Variants in MAPK14 observed in about 807,000 individuals in gnomAD.
MAPK14 encodes CSAID-binding protein.
Under a neutral mutation model 49.6 loss-of-function variants are expected in MAPK14, and 16 were observed. That is an observed-to-expected ratio of 0.32 (90% CI 0.22 to 0.49). The LOEUF is 0.49. Ranked by LOEUF, MAPK14 falls within the 20% of genes least tolerant of loss-of-function variation. The pLI is 0.99. For synonymous variants in MAPK14, 142 were observed against 158.0 expected, an observed-to-expected ratio of 0.90 and a Z score of 0.76; for missense variants, 200 against 441.2, an observed-to-expected ratio of 0.45 and a Z score of 4.90.
At chr6:36,063,928 A>G (rs1763932675) in intron 3 of MAPK14, among the ~76,000 whole-genome samples, 1 of 152,218 alleles carries the variant, frequency 6.6e-6, no homozygotes, top group Admixed American at 6.5e-5. Context: ...ATGTTTGGCA[A>G]GATACTGCAT....
chr6:36,088,721 C>CAAA (rs553619006), intron 8 of MAPK14, among the ~76,000 whole-genome samples: 1,928 of 95,840 alleles, frequency 0.02, 49 homozygotes, highest in African/African-American at 0.066. Flanking sequence ...GACTCCGTCT[C>CAAA]AAAAAAAAAA....
chr6:36,073,828 TGATTGCAACTTTACTGTA>T (rs1764408791), intron 5 of MAPK14, 108 bp downstream of exon 5: 6 of 1,176,320 alleles, frequency 5.1e-6, no homozygotes, highest in Non-Finnish European at 1.2e-6. Context: ...AAATGTTGAT[TGATTGCAACTTTACTGTA>T]GGTTTAAGCT....
In MAPK14 at chr6:36,039,796, G is replaced by C. The variant is rs143117420; in HGVS notation, c.116+11523G>C. Among the ~76,000 whole-genome samples, 432 of 152,194 alleles carry C rather than the reference G, an allele frequency of 2.8e-3. 4 individuals are homozygous for C. The highest frequency in any genetic ancestry group is 9.7e-3 in the African/African-American group (403 of 41,520). Reference sequence around the variant, plus strand: ...AAGGTGGGCGGATCACTTGAGGTCAGGAGTTTGAGATCAGCCTGGCCAACA... The same window carrying C: ...AAGGTGGGCGGATCACTTGAGGTCACGAGTTTGAGATCAGCCTGGCCAACA... On this transcript the variant is annotated intron_variant, in intron 1 of 11. Transcript: ENST00000229794.
chr6:36,122,713 A>C, the MAPK14 span, among the ~76,000 whole-genome samples: 3 of 152,152 alleles, frequency 2.0e-5, no homozygotes, highest in African/African-American at 7.2e-5. Context: ...AGCAGTCCTG[A>C]AGGACCAGAG....
chr6:36,103,076 C>T (rs1765689655), intron 10 of MAPK14, among the ~76,000 whole-genome samples: 1 of 152,184 alleles, frequency 6.6e-6, no homozygotes, highest in Non-Finnish European at 1.5e-5. Context: ...CTGCAGGGTG[C>T]TCTGCTCTAA....
At chr6:36,068,384 A>G (rs528405242) in intron 3 of MAPK14, among the ~76,000 whole-genome samples, 8 of 152,260 alleles carry the variant, frequency 5.3e-5, no homozygotes, top group African/African-American at 1.7e-4. Flanking sequence ...ACTCTTAGTA[A>G]AATAGGGAGC....
intron 11 of MAPK14, 147 bp from the exon 12 acceptor site, chr6:36,108,233 G>A (rs1017110613): frequency 1.6e-6 from 1 of 641,982 alleles, no homozygotes. Context: ...ACGTGTTCCA[G>A]TAGGCTATTA....
At chr6:36,037,140 T>G (rs1232760505) in intron 1 of MAPK14, among the ~76,000 whole-genome samples, 2 of 152,290 alleles carry the variant, frequency 1.3e-5, no homozygotes, top group African/African-American at 4.8e-5. Context: ...AAATATAACT[T>G]TTATATGCAC....
intron 8 of MAPK14, among the ~76,000 whole-genome samples, chr6:36,089,457 AT>A (rs1375174421): frequency 6.6e-6 from 1 of 152,222 alleles, no homozygotes; most frequent in African/African-American, 2.4e-5. Flanking sequence ...TAGGTGATGG[AT>A]TGATAGGTGG....
chr6:36,117,343 G>C, the MAPK14 span, among the ~76,000 whole-genome samples: 1 of 152,214 alleles, frequency 6.6e-6, no homozygotes, highest in Admixed American at 6.5e-5. Context: ...CAAAGTCACT[G>C]TGTGCTCTTG....
At chr6:36,071,386 C>T (rs146000539) in intron 3 of MAPK14, among the ~76,000 whole-genome samples, 1 of 151,982 alleles carries the variant, frequency 6.6e-6, no homozygotes, top group African/African-American at 2.4e-5. Context: ...TCTATGTTTC[C>T]ATAGCTGTGT....
chr6:36,030,318 C>T (rs1762489395), intron 1 of MAPK14, among the ~76,000 whole-genome samples: 1 of 152,206 alleles, frequency 6.6e-6, no homozygotes, highest in African/African-American at 2.4e-5. Context: ...GTATCTGACA[C>T]TTAAAAGTAC....
chr6:36,076,104 AT>A, intron 7 of MAPK14, 142 bp downstream of exon 7: 1 of 847,740 alleles, frequency 1.2e-6, no homozygotes, highest in South Asian at 1.7e-5. Flanking sequence ...AAGTAAAAAT[AT>A]TTCACTTCCT....
chr6:36,116,092 G>C (rs1766056208), downstream of MAPK14, among the ~76,000 whole-genome samples: 1 of 152,152 alleles, frequency 6.6e-6, no homozygotes, highest in Non-Finnish European at 1.5e-5. Flanking sequence ...CTGGGTGACA[G>C]AGTGAGACCC....
chr6:36,088,226 T>C (rs1765068305), intron 8 of MAPK14, among the ~76,000 whole-genome samples: 1 of 152,096 alleles, frequency 6.6e-6, no homozygotes, highest in Non-Finnish European at 1.5e-5. Flanking sequence ...GGCAAAAATT[T>C]CATGATGAAA....
chr6:36,085,875 G>A (rs111451911), intron 8 of MAPK14, among the ~76,000 whole-genome samples: 18 of 152,176 alleles, frequency 1.2e-4, no homozygotes, highest in African/African-American at 3.6e-4. Context: ...GCAGCACATC[G>A]CACTTAGGCT....
intron 3 of MAPK14, among the ~76,000 whole-genome samples, chr6:36,068,456 G>C (rs556953345): frequency 7.4e-4 from 112 of 152,320 alleles, no homozygotes; most frequent in African/African-American, 2.1e-3. Flanking sequence ...CTTCCCCTGT[G>C]TTGAGAATAG....
intron 1 of MAPK14, among the ~76,000 whole-genome samples, chr6:36,050,506 C>T (rs1247331635): frequency 6.6e-6 from 1 of 152,060 alleles, no homozygotes; most frequent in Non-Finnish European, 1.5e-5. Flanking sequence ...CTAGAGAGGT[C>T]AGGAAACAGG....
chr6:36,110,128 A>G lies in MAPK14; in HGVS notation c.*1681A>G, dbSNP rs1449806300. On this transcript the variant is annotated 3_prime_UTR_variant, in exon 12 of 12. Transcript: ENST00000229794. ...CATTTTGTTCTACATGAGGACTCAT[A>G]TATTTAAGCCTTTTGTGTAATAAGA... 2 of 152,256 alleles carry G rather than the reference A, an allele frequency of 1.3e-5. No individual in the cohort carries two copies. The highest frequency in any genetic ancestry group is 1.5e-5 in the Non-Finnish European group (1 of 68,040). 9.4% of individuals were successfully genotyped at this position (152,256 alleles called of 1,614,324 possible).
Sources: gnomAD v4.1 joint callset for allele counts (sites outside exome capture counted in the v4.1 genomes callset) on GRCh38, gnomAD v4.1.1 for gene constraint, MANE v1.5 for transcripts, NCBI Gene and HGNC (gene_info 2026-07-23, HGNC 2026-07-21) for gene names.